Variants in DPP6 observed in about 807,000 individuals in gnomAD.
DPP6 encodes the protein A-type potassium channel modulatory protein DPP6.
In DPP6, 69 loss-of-function variants were observed where a neutral mutation model predicts 122.6. The ratio of observed to expected loss-of-function variants is 0.56; its 90% CI spans 0.46 to 0.69. The LOEUF (loss-of-function observed/expected upper bound fraction) is 0.69. Among genes scored for constraint, DPP6 ranks in the 30% least tolerant of loss-of-function variants. The probability of loss-of-function intolerance (pLI) is 0.00; values close to 1 mark genes in which losing one functional copy is unlikely to be tolerated. For synonymous variants in DPP6, 418 were observed against 433.1 expected (o/e 0.97, Z 0.43); for missense variants, 928 against 1,116.9 (o/e 0.83, Z 2.41).
chr7:154,258,800 G>T (rs1164131878), intron 1 of DPP6, among the ~76,000 whole-genome samples: 2 of 152,128 alleles, frequency 1.3e-5, no homozygotes, highest in Non-Finnish European at 2.9e-5. Flanking sequence ...AGTAATGAGA[G>T]AAATGGGGTT....
At chr7:154,111,201 G>A (rs911777573) in intron 1 of DPP6, among the ~76,000 whole-genome samples, 22 of 152,136 alleles carry the variant, frequency 1.4e-4, no homozygotes, top group African/African-American at 4.6e-4. Context: ...ATCATTGATG[G>A]CACTGTGCAT....
the DPP6 span, among the ~76,000 whole-genome samples, chr7:153,800,951 T>G: frequency 6.6e-6 from 1 of 152,256 alleles, no homozygotes; most frequent in Non-Finnish European, 1.5e-5. Flanking sequence ...ACATGTTGCA[T>G]GCAAGTATCA....
intron 3 of DPP6, among the ~76,000 whole-genome samples, chr7:154,528,409 C>T (rs970674319): frequency 6.6e-6 from 1 of 152,192 alleles, no homozygotes; most frequent in Non-Finnish European, 1.5e-5. Flanking sequence ...AACACCATGC[C>T]TACGCCTCCG....
intron 21 of DPP6, chr7:154,884,016 GCTCACACATACA>G (rs1563324038): frequency 9.4e-6 from 1 of 106,460 alleles, no homozygotes; most frequent in African/African-American, 3.9e-5. Context: ...CCACACACAC[GCTCACACATACA>G]CTCACACACA....
chr7:153,772,652 C>T, the DPP6 span, among the ~76,000 whole-genome samples: 2 of 151,220 alleles, frequency 1.3e-5, no homozygotes, highest in Non-Finnish European at 3.0e-5. Context: ...ATGGTTTATA[C>T]ATACAAATTA....
intron 8 of DPP6, among the ~76,000 whole-genome samples, chr7:154,752,420 G>T (rs1393103446): frequency 1.3e-5 from 2 of 152,110 alleles, no homozygotes; most frequent in Non-Finnish European, 2.9e-5. Flanking sequence ...AGATAGAGTT[G>T]GTTTTAAAAA....
chr7:153,981,229 C>T (rs1429595001), intron 1 of DPP6, among the ~76,000 whole-genome samples: 1 of 152,116 alleles, frequency 6.6e-6, no homozygotes, highest in Admixed American at 6.6e-5. Flanking sequence ...TCTGGGTGCT[C>T]CTGTATTGGG....
At chr7:154,617,817 G>A (rs1445881883) in intron 5 of DPP6, among the ~76,000 whole-genome samples, 1 of 152,148 alleles carries the variant, frequency 6.6e-6, no homozygotes, top group Non-Finnish European at 1.5e-5. Context: ...TGGAAAACAA[G>A]TTAAAGACAG....
rs374943017 is a variant in DPP6, at chr7:154,029,449, A to G, written c.51+141715A>G. On this transcript the variant is annotated intron_variant, in intron 1 of 25. Transcript: ENST00000404039. ...GGAGCATGGCGTGAACCTGGGAGGC[A>G]GAGCTTGCAGTGAGCTGAGATCGCA... is the stretch of plus-strand genomic sequence containing the variant. Among the ~76,000 whole-genome samples, 362 of 151,968 alleles carry G rather than the reference A, an allele frequency of 2.4e-3. 1 individual carries two copies. The highest frequency in any genetic ancestry group is 6.1e-3 in the African/African-American group (252 of 41,464).
chr7:154,479,576 A>AAAAG (rs746272608), intron 3 of DPP6, among the ~76,000 whole-genome samples: 3,889 of 105,370 alleles, frequency 0.037, 169 homozygotes, highest in African/African-American at 0.1. Flanking sequence ...AAAAAAAAAG[A>AAAAG]AAAGAAAAGA....
At chr7:154,823,915 T>C (rs1231917537) in intron 16 of DPP6, among the ~76,000 whole-genome samples, 1 of 152,218 alleles carries the variant, frequency 6.6e-6, no homozygotes, top group African/African-American at 2.4e-5. Flanking sequence ...AAAAACCGAA[T>C]GCATGGAGAG....
At chr7:154,572,510 C>A (rs148835728) in intron 5 of DPP6, among the ~76,000 whole-genome samples, 1 of 86,144 alleles carries the variant, frequency 1.2e-5, no homozygotes, top group African/African-American at 4.7e-5. Context: ...TTTTTCTTTT[C>A]TTTTTTTTTT....
chr7:154,324,145 A>C (rs1264207394), intron 1 of DPP6, among the ~76,000 whole-genome samples: 1 of 152,116 alleles, frequency 6.6e-6, no homozygotes, highest in Non-Finnish European at 1.5e-5. Flanking sequence ...CTGTTTGATG[A>C]TGGTCTACGG....
intron 3 of DPP6, among the ~76,000 whole-genome samples, chr7:154,515,133 T>A (rs1318029976): frequency 6.6e-6 from 1 of 151,948 alleles, no homozygotes; most frequent in Non-Finnish European, 1.5e-5. Flanking sequence ...GGAAATAGAG[T>A]TATTTCTGTG....
chr7:153,944,664 G>T (rs59867307), intron 1 of DPP6, among the ~76,000 whole-genome samples: 26,132 of 107,960 alleles, frequency 0.24, 3,302 homozygotes, highest in Middle Eastern at 0.34. Context: ...TTTTGTGTGG[G>T]TTTTTTTTTT....
At chr7:154,141,176 G>A (rs1259829656) in intron 1 of DPP6, among the ~76,000 whole-genome samples, 1 of 152,176 alleles carries the variant, frequency 6.6e-6, no homozygotes, top group Non-Finnish European at 1.5e-5. Context: ...TTGTGTACAA[G>A]GATATTCAAT....
At chr7:154,305,335 T>TGGCG in intron 1 of DPP6, 1 of 1,024,760 alleles carries the variant, frequency 9.8e-7, no homozygotes, top group Non-Finnish European at 1.2e-6. Context: ...TCGTCTTGTC[T>TGGCG]ACCCACCCTC....
chr7:154,098,984 T>A (rs1271067565), intron 1 of DPP6, among the ~76,000 whole-genome samples: 10 of 152,228 alleles, frequency 6.6e-5, no homozygotes, highest in Non-Finnish European at 1.2e-4. Context: ...GCCTTTAAAT[T>A]TGTTTTGCAA....
chr7:154,393,655 A>G (rs1411981167), intron 1 of DPP6, among the ~76,000 whole-genome samples: 1 of 151,970 alleles, frequency 6.6e-6, no homozygotes, highest in East Asian at 1.9e-4. Context: ...TATATAACAT[A>G]AAATTGTCCA....
Sources: allele counts gnomAD v4.1 joint callset (sites outside exome capture counted in the v4.1 genomes callset), GRCh38; gene constraint gnomAD v4.1.1; transcripts MANE v1.5; gene names NCBI Gene and HGNC (gene_info 2026-07-23, HGNC 2026-07-21).